Variants in BSN observed in about 807,000 individuals in gnomAD.
BSN encodes bassoon presynaptic cytomatrix protein.
In BSN, 57 loss-of-function variants were observed where a neutral mutation model predicts 264.8. The observed-to-expected ratio is 0.22, with a 90% CI of 0.17 to 0.27. The LOEUF (loss-of-function observed/expected upper bound fraction) is 0.27, where lower values mean the gene tolerates loss of function less well. BSN is among the 10% of genes least tolerant of loss of function. The pLI, the probability that BSN is intolerant of heterozygous loss-of-function variation, is 1.00. For synonymous variants in BSN, 2,059 were observed against 2,137.3 expected, an observed-to-expected ratio of 0.96 and a Z score of 1.01; for missense variants, 4,615 against 5,232.5, an observed-to-expected ratio of 0.88 and a Z score of 3.64.
chr3:49,608,253 G>C (rs2052174563), intron 1 of BSN, among the ~76,000 whole-genome samples: 1 of 152,158 alleles, frequency 6.6e-6, no homozygotes, highest in South Asian at 2.1e-4. Context: ...TGAAAAACAA[G>C]GAAACCACAG....
In BSN at chr3:49,638,119, T is replaced by C. The variant is rs1307792003; in HGVS notation, c.634-4149T>C. Reference sequence around the variant, plus strand: ...TAGCTGAGGCTTCTTGTCACACTGGTAAAAGGATAGTCCCTCTGATTCTGA... The same window carrying C: ...TAGCTGAGGCTTCTTGTCACACTGGCAAAAGGATAGTCCCTCTGATTCTGA... On this transcript the variant is annotated intron_variant, in intron 2 of 11. Transcript: ENST00000296452. The surrounding 1 kb of genome is among the most constrained non-coding windows in gnomAD (Gnocchi z 4.3). 6.6e-6 allele frequency among the ~76,000 whole-genome samples: 1 copy of C among 152,096 alleles called. No individual in the cohort carries two copies. The highest frequency in any genetic ancestry group is 2.4e-5 in the African/African-American group (1 of 41,416).
At chr3:49,607,848 CTT>C (rs2052171213) in intron 1 of BSN, among the ~76,000 whole-genome samples, 1 of 152,222 alleles carries the variant, frequency 6.6e-6, no homozygotes, top group South Asian at 2.1e-4. Flanking sequence ...GGGAGGGCCT[CTT>C]CTCGTCAAGG....
intron 1 of BSN, among the ~76,000 whole-genome samples, chr3:49,576,002 C>T (rs545147672): frequency 1.1e-4 from 17 of 152,176 alleles, no homozygotes; most frequent in East Asian, 1.9e-4. Context: ...CTGAACAATA[C>T]GGGAGATACT....
intron 1 of BSN, among the ~76,000 whole-genome samples, chr3:49,618,381 G>A (rs1460566775): frequency 2.0e-5 from 3 of 152,174 alleles, no homozygotes; most frequent in Non-Finnish European, 2.9e-5. Flanking sequence ...ACCTGCTGCT[G>A]TACCTTCCCT....
intron 1 of BSN, among the ~76,000 whole-genome samples, chr3:49,559,500 C>G (rs1018906323): frequency 6.6e-6 from 1 of 152,202 alleles, no homozygotes; most frequent in African/African-American, 2.4e-5. Context: ...ACAGCCACAT[C>G]TAAATAAGAT....
intron 1 of BSN, among the ~76,000 whole-genome samples, chr3:49,563,901 A>G (rs1301388258): frequency 2.0e-5 from 3 of 151,958 alleles, no homozygotes; most frequent in Non-Finnish European, 4.4e-5. Flanking sequence ...AGGTTTCCTT[A>G]CACCTCCTAT....
At chr3:49,664,933 A>G in intron 10 of BSN, 80 bp downstream of exon 10, 1 of 1,100,592 alleles carries the variant, frequency 9.1e-7, no homozygotes, top group African/African-American at 1.5e-5. Context: ...TCTAAGTCCG[A>G]AGGGGTCCTC....
At chr3:49,587,887 T>TTTTTCTTTTCTTCTTTTCTTTTCTTTTC (rs2051947842) in intron 1 of BSN, among the ~76,000 whole-genome samples, 1 of 121,598 alleles carries the variant, frequency 8.2e-6, no homozygotes, top group African/African-American at 3.0e-5. Flanking sequence ...AAAGTTGGGG[T>TTTTTCTTTTCTTCTTTTCTTTTCTTTTC]TTTTCTTTTC....
intron 3 of BSN, among the ~76,000 whole-genome samples, 200 bp from the exon 4 acceptor site, chr3:49,650,412 T>C (rs1472937303): frequency 6.6e-6 from 1 of 152,174 alleles, no homozygotes; most frequent in African/African-American, 2.4e-5. Context: ...CATTCTGACT[T>C]TGTGTGTGTT....
rs767256690 is a variant in BSN, at chr3:49,585,272, G to A, written c.224+30446G>A. 7.9e-5 allele frequency among the ~76,000 whole-genome samples: 12 copies of A among 151,864 alleles called. No individual in the cohort carries two copies. The highest frequency in any genetic ancestry group is 2.9e-4 in the African/African-American group (12 of 41,350). ...GTCTAGGTCAAGGAAAGAGGAGATC[G>A]TGGGTGGGGAAACAGACTGAGGGAA... On this transcript the variant is annotated intron_variant, in intron 1 of 11. Transcript: ENST00000296452. This position sits in a 1 kb window ranked among gnomAD's most constrained non-coding sequence, Gnocchi z 4.7.
intron 3 of BSN, among the ~76,000 whole-genome samples, chr3:49,645,632 A>G (rs2052499250): frequency 6.6e-6 from 1 of 152,132 alleles, no homozygotes; most frequent in African/African-American, 2.4e-5. Context: ...TGATATGTTC[A>G]CCATCCCTTC....
intron 1 of BSN, among the ~76,000 whole-genome samples, chr3:49,575,434 G>A (rs2051836735): frequency 6.8e-6 from 1 of 146,124 alleles, no homozygotes; most frequent in Non-Finnish European, 1.5e-5. Context: ...GTATATATAT[G>A]TAAATATATA....
rs540621822 is a variant in BSN, at chr3:49,607,346, G to C, written c.225-17629G>C. Among the ~76,000 whole-genome samples the C allele has an allele frequency of 7.9e-5, 12 of 152,356 alleles. No homozygotes were observed. In the South Asian group the frequency reaches 2.5e-3, roughly 32 times the overall value. ...TATTTCCTCATGCTGGGGTGGCCCT[G>C]GTCCCTCTGTTGGCTCAGTCTGGCC... is the stretch of plus-strand genomic sequence containing the variant. On this transcript the variant is annotated intron_variant, in intron 1 of 11. Transcript: ENST00000296452.
intron 1 of BSN, among the ~76,000 whole-genome samples, chr3:49,587,613 C>T (rs1270098258): frequency 2.6e-5 from 4 of 152,206 alleles, no homozygotes; most frequent in Non-Finnish European, 5.9e-5. Flanking sequence ...AAGAGTGCTG[C>T]TTACACAATT....
At chr3:49,631,442 C>G (rs2108062954) in intron 2 of BSN, among the ~76,000 whole-genome samples, 1 of 151,088 alleles carries the variant, frequency 6.6e-6, no homozygotes, top group East Asian at 1.9e-4. Context: ...CCTGTAGTCC[C>G]AAGTATTTGG....
chr3:49,589,011 T>C (rs1441750417), intron 1 of BSN, among the ~76,000 whole-genome samples: 1 of 151,060 alleles, frequency 6.6e-6, no homozygotes, highest in Non-Finnish European at 1.5e-5. Context: ...GCCTCCCGCG[T>C]TTACGCCATT....
intron 1 of BSN, among the ~76,000 whole-genome samples, chr3:49,590,613 A>G (rs2051970908): frequency 6.6e-6 from 1 of 152,114 alleles, no homozygotes; most frequent in East Asian, 1.9e-4. Context: ...ATGCTAACTT[A>G]ATTCCAGTGA....
Position 49,671,039 on chromosome 3 carries a change from C to T in BSN, c.*3554C>T, listed in dbSNP as rs1307264434. 2 of 152,286 alleles carry T rather than the reference C, an allele frequency of 1.3e-5. No individual in the cohort carries two copies. Among genetic ancestry groups the T allele is most frequent in the Non-Finnish European group, 2.9e-5 (2 of 68,086 alleles). The allele number at this position is 152,286 out of a possible 1,614,324, so 9.4% of individuals were successfully genotyped here. On this transcript the variant is annotated 3_prime_UTR_variant, in exon 12 of 12. Coordinates refer to ENST00000296452, the MANE Select transcript of BSN (RefSeq NM_003458.4). The surrounding 1 kb of genome is among the most constrained non-coding windows in gnomAD (Gnocchi z 4.1). ...CTCCTCGGAGATGCCATCTCTGTCT[C>T]CCTGGGTGCCAGCAGCCCTGCTGCC...
At chr3:49,617,807 C>T (rs2052273210) in intron 1 of BSN, among the ~76,000 whole-genome samples, 1 of 152,260 alleles carries the variant, frequency 6.6e-6, no homozygotes, top group Admixed American at 6.5e-5. Context: ...GCTCCTGCCA[C>T]GGTGGGCCCT....
Sources: allele counts gnomAD v4.1 joint callset (sites outside exome capture counted in the v4.1 genomes callset), GRCh38; gene constraint gnomAD v4.1.1; non-coding constraint Gnocchi (gnomAD v3.1); transcripts MANE v1.5; gene names NCBI Gene and HGNC (gene_info 2026-07-23, HGNC 2026-07-21).